ATP13A3: variants seen among roughly 807,000 people sequenced by gnomAD.
ATP13A3 encodes the protein ATPase 13A3, also known as polyamine-transporting ATPase 13A3.
A neutral mutation model predicts 158.1 loss-of-function variants in ATP13A3; 59 were observed. The ratio of observed to expected loss-of-function variants is 0.37; its 90% CI spans 0.30 to 0.46. The LOEUF is 0.46. ATP13A3 is among the 20% of genes least tolerant of loss of function. The pLI, the probability that ATP13A3 is intolerant of heterozygous loss-of-function variation, is 1.00. For synonymous variants in ATP13A3, 491 were observed against 504.3 expected (o/e 0.97, Z 0.35); for missense variants, 1,166 against 1,525.2 (o/e 0.76, Z 3.92).
intron 29 of ATP13A3, 40 bp from the exon 30 acceptor site, chr3:194,425,569 A>C (rs375170688): frequency 1.2e-4 from 175 of 1,516,464 alleles, no homozygotes; most frequent in Admixed American, 1.4e-4. Flanking sequence ...AGTAAACATA[A>C]TACTCATTTC....
intron 6 of ATP13A3, 63 bp downstream of exon 6, chr3:194,459,408 T>C: frequency 8.6e-7 from 1 of 1,158,292 alleles, no homozygotes; most frequent in Non-Finnish European, 1.3e-6. Flanking sequence ...GAATGGACTC[T>C]TTTCTATCTA....
intron 2 of ATP13A3, among the ~76,000 whole-genome samples, chr3:194,479,912 T>C (rs1165328177): frequency 6.6e-6 from 1 of 152,170 alleles, no homozygotes; most frequent in South Asian, 2.1e-4. Context: ...ATAAAATGTA[T>C]ATCGGAGATA....
At chr3:194,436,892 CTG>C (rs1321997296) in intron 20 of ATP13A3, among the ~76,000 whole-genome samples, 4 of 152,090 alleles carry the variant, frequency 2.6e-5, no homozygotes, top group African/African-American at 4.8e-5. Context: ...CGGGGTGAGA[CTG>C]TCTCTCAAAA....
intron 33 of ATP13A3, among the ~76,000 whole-genome samples, chr3:194,409,594 G>C (rs542214867): frequency 1.3e-4 from 19 of 151,652 alleles, no homozygotes; most frequent in African/African-American, 4.1e-4. Context: ...AACCACAGAT[G>C]ATGGGGGTCT....
Position 194,419,891 on chromosome 3 carries a change from G to C in ATP13A3, c.3390C>G (p.Asp1130Glu), listed in dbSNP as rs752421912. Residue 1130 changes from aspartate to glutamate, a missense_variant, in exon 31 of 34, where the codon GAC (aspartate) becomes GAG (glutamate). Physicochemically the swap from Asp to Glu is conservative, Grantham distance 45. Transcript: ENST00000645319. ...FIMLYPVASV[D>E]QVLQIVCVPY... ...GCTTAAGTCTTACCTGAAGAACCTGGTCAACAGAGGCAACTGGATACAACA... is the reference window on the plus strand; with the variant it reads ...GCTTAAGTCTTACCTGAAGAACCTGCTCAACAGAGGCAACTGGATACAACA... 12 of 1,562,986 alleles carry C rather than the reference G, an allele frequency of 7.7e-6. No individual in the cohort carries two copies. Among genetic ancestry groups the C allele is most frequent in the Non-Finnish European group, 1.7e-6 (2 of 1,165,642 alleles).
chr3:194,456,059 TCTTATTC>T, intron 7 of ATP13A3, 97 bp from the exon 8 acceptor site: 3 of 656,104 alleles, frequency 4.6e-6, no homozygotes, highest in Non-Finnish European at 7.4e-6. Flanking sequence ...CACAGACTGT[TCTTATTC>T]ATGTCTCCAA....
At chr3:194,416,268 G>A (rs1414908207) in intron 31 of ATP13A3, among the ~76,000 whole-genome samples, 8 of 152,170 alleles carry the variant, frequency 5.3e-5, no homozygotes, top group Middle Eastern at 3.4e-3. Flanking sequence ...TACCAGTCTG[G>A]CCAGATGGTG....
intron 13 of ATP13A3, among the ~76,000 whole-genome samples, chr3:194,447,366 C>T (rs1315124462): frequency 1.3e-5 from 2 of 152,162 alleles, no homozygotes; most frequent in South Asian, 2.1e-4. Flanking sequence ...CAAGGCGCTA[C>T]ATACTTCACA....
intron 2 of ATP13A3, among the ~76,000 whole-genome samples, chr3:194,463,141 T>A (rs1318010062): frequency 6.6e-6 from 1 of 152,190 alleles, no homozygotes; most frequent in Non-Finnish European, 1.5e-5. Flanking sequence ...CAAAAGTCAA[T>A]CGCTATGGCA....
intron 21 of ATP13A3, 48 bp downstream of exon 21, chr3:194,433,724 A>C (rs1267965755): frequency 1.2e-6 from 2 of 1,604,838 alleles, no homozygotes; most frequent in Non-Finnish European, 1.7e-6. Context: ...ATATAACTTC[A>C]GCTCTGTCAC....
rs778971781 is a variant in ATP13A3 at position 194,419,929 on chromosome 3, T to C, written c.3352A>G (p.Ile1118Val). 1.0e-5 allele frequency: 16 copies of C among 1,535,660 alleles called. 1 individual carries two copies. Among genetic ancestry groups the C allele is most frequent in the Middle Eastern group, 1.9e-4 (1 of 5,276 alleles). ...VFSVIFLYIF[I>V]LFIMLYPVAS... is the part of the protein sequence containing the mutation. The stretch of plus-strand genomic sequence containing the variant: ...ACTGGATACAACATGATGAATAATA[T>C]AAAAATATATAAAAAAATCACAGAA... Residue 1118 changes from isoleucine (I) to valine (V), a missense_variant, in exon 31 of 34, where the codon ATA (isoleucine) becomes GTA (valine). By Grantham distance (29) the Ile-to-Val change is conservative. Around this residue, in one of 3 missense-constraint regions of ATP13A3, gnomAD observed 997 missense variants for 1,341.2 expected, o/e 0.74. Transcript: ENST00000645319.
In ATP13A3 at chr3:194,406,129, G is replaced by A. The variant is rs371886762; in HGVS notation, c.3574-13C>T. 6.2e-7 allele frequency: 1 copy of A among 1,611,226 alleles called. No individual in the cohort carries two copies. The highest frequency in any genetic ancestry group is 1.3e-5 in the African/African-American group (1 of 74,634). On this transcript the variant is annotated splice_polypyrimidine_tract_variant and intron_variant, in intron 33 of 33. Transcript: ENST00000645319. ...GATCCACTGACTCCTAAGAAAATAA[G>A]AAAAAAACAAAACAAAACACCCCAG...
In ATP13A3 at chr3:194,425,464, T is replaced by A; in HGVS notation, c.3191A>T (p.Asp1064Val). The A allele has an allele frequency of 3.1e-6, 5 of 1,613,850 alleles. No homozygotes were observed. The highest frequency in any genetic ancestry group is 4.2e-6 in the Non-Finnish European group (5 of 1,179,742). Reference sequence around the variant, plus strand: ...TTCATAATTTTGTATATTATGTTCATCAAGTTCGGTTTCATTGTCTACGTG... The same window carrying A: ...TTCATAATTTTGTATATTATGTTCAACAAGTTCGGTTTCATTGTCTACGTG... The part of the protein sequence containing the change: ...SSHVDNETEL[D>V]EHNIQNYENT... The change falls in exon 30 of 34, where the codon GAT (aspartate) becomes GTT (valine). Residue 1064 changes from aspartate (D) to valine (V), a missense_variant. Transcript: ENST00000645319.
intron 14 of ATP13A3, among the ~76,000 whole-genome samples, chr3:194,445,414 G>A (rs1718334580): frequency 6.6e-6 from 1 of 152,182 alleles, no homozygotes; most frequent in Non-Finnish European, 1.5e-5. Context: ...ATGTGATAGT[G>A]ATATTTTAAA....
chr3:194,478,837 G>C (rs546017168), intron 2 of ATP13A3, among the ~76,000 whole-genome samples: 1 of 152,286 alleles, frequency 6.6e-6, no homozygotes, highest in Admixed American at 6.5e-5. Context: ...ATGTGTAAGA[G>C]AGAAGAACTC....
chr3:194,462,148 C>G lies in ATP13A3; in HGVS notation c.43G>C (p.Asp15His), dbSNP rs755737395. The change falls in exon 3 of 34, where the codon GAT becomes CAT. Residue 15 changes from aspartate to histidine, a missense_variant. Physicochemically the swap from Asp to His is moderately conservative, Grantham distance 81. This residue lies in a region of ATP13A3 where 65 missense variants were observed against 92.4 expected (regional missense o/e 0.70). Coordinates refer to ENST00000645319, the MANE Select transcript of ATP13A3 (RefSeq NM_001367549.1). The stretch of plus-strand genomic sequence containing the variant: ...TTAGAACAGCTGGTTACCATTTCAT[C>G]TTCTTGACCCTGATTGATGGTCTTC... ...ERKTINQGQE[D>H]EMEIYGYNLS... 7 of 1,613,832 alleles carry G rather than the reference C, an allele frequency of 4.3e-6. No homozygotes were observed. The highest frequency in any genetic ancestry group is 5.9e-6 in the Non-Finnish European group (7 of 1,179,840).
At chr3:194,419,560 G>A (rs914393018) in intron 31 of ATP13A3, among the ~76,000 whole-genome samples, 43 of 152,172 alleles carry the variant, frequency 2.8e-4, no homozygotes, top group African/African-American at 9.9e-4. Context: ...ACAAAAGGGA[G>A]CATGTGTAGA....
At chr3:194,459,433 T>C (rs775920627) in intron 6 of ATP13A3, 38 bp downstream of exon 6, 1 of 1,349,202 alleles carries the variant, frequency 7.4e-7, no homozygotes, top group Non-Finnish European at 1.1e-6. Flanking sequence ...GTTTTCAGGA[T>C]ATTCAAAATA....
In ATP13A3 at chr3:194,419,966, A is replaced by G; in HGVS notation, c.3315T>C (p.Tyr1105=). 6.5e-7 allele frequency: 1 copy of G among 1,530,058 alleles called. No homozygotes were observed. Among genetic ancestry groups the G allele is most frequent in the Non-Finnish European group, 8.7e-7 (1 of 1,149,704 alleles). The allele number at this position is 1,530,058 out of a possible 1,614,324, so 94.8% of individuals were successfully genotyped here. The change falls in exon 31 of 34, where the codon TAT becomes TAC. Residue 1105 remains tyrosine (Y), a splice_region_variant and synonymous_variant. Transcript: ENST00000645319. ...KPFRQPCYKN[Y]FFVFSVIFLY... ...AAAAAATCACAGAAAAAACAAAAAA[A>G]TCTGGAAAAGACAGCAAAAGTAAAA...
Sources: gnomAD v4.1 joint callset for allele counts (sites outside exome capture counted in the v4.1 genomes callset) on GRCh38, gnomAD v4.1.1 for gene constraint, gnomAD v4.1.1 regional missense constraint, MANE v1.5 for transcripts, NCBI Gene and HGNC (gene_info 2026-07-23, HGNC 2026-07-21) for gene names.